Variants in C20orf203 observed in about 807,000 individuals in gnomAD.
C20orf203 encodes chromosome 20 open reading frame 203, also known as uncharacterized protein C20orf203.
Under a neutral mutation model 15.9 loss-of-function variants are expected in C20orf203, and 16 were observed. The ratio of observed to expected loss-of-function variants is 1.01; its 90% CI spans 0.68 to 1.53. C20orf203 has a LOEUF of 1.53. Among genes scored for constraint, C20orf203 ranks in the 40% most tolerant of loss-of-function variants. C20orf203 has a pLI of 0.00. For missense variants in C20orf203, 263 were observed against 247.5 expected (o/e 1.06, Z -0.42); for synonymous variants, 98 against 97.2 (o/e 1.01, Z -0.05).
At chr20:32,638,690 C>G (rs1236749743) in intron 5 of C20orf203, among the ~76,000 whole-genome samples, 1 of 152,230 alleles carries the variant, frequency 6.6e-6, no homozygotes, top group African/African-American at 2.4e-5. Flanking sequence ...GAGATGGAGG[C>G]CAACTTCTCA....
In C20orf203 at chr20:32,639,831, G is replaced by A. The variant is rs1323373297; in HGVS notation, c.*1299+735C>T. On this transcript the variant is annotated intron_variant, in intron 5 of 5. Coordinates refer to ENST00000608990, the MANE Select transcript of C20orf203 (RefSeq NM_182584.4). ...AATCATGATATGTTTGAAGCATACA[G>A]AACACACAGAAATGAGCTGTGCCCG... is the stretch of plus-strand genomic sequence containing the variant. Among the ~76,000 whole-genome samples, 3 of 152,066 alleles carry A rather than the reference G, an allele frequency of 2.0e-5. No homozygotes were observed. The East Asian group carries it at 5.8e-4, about 29-fold the overall frequency.
At chr20:32,657,917 G>A (rs11700367) in intron 1 of C20orf203, 43,595 of 150,802 alleles carry the variant, frequency 0.29, 6,801 homozygotes, top group Middle Eastern at 0.38. Flanking sequence ...CTGAGATTGC[G>A]CCACTGCACT....
chr20:32,654,096 G>T (rs967163176), intron 1 of C20orf203, among the ~76,000 whole-genome samples: 2 of 146,128 alleles, frequency 1.4e-5, no homozygotes, highest in Non-Finnish European at 3.0e-5. Context: ...AAAAAAAAGA[G>T]AAAATCCTAA....
chr20:32,643,674 C>T (rs541058890), intron 4 of C20orf203, among the ~76,000 whole-genome samples: 3 of 133,362 alleles, frequency 2.2e-5, no homozygotes, highest in East Asian at 2.2e-4. Flanking sequence ...CACACACACA[C>T]GAAAGTTTCT....
At chr20:32,664,612 C>A (rs926018941) in intron 1 of C20orf203, among the ~76,000 whole-genome samples, 1 of 152,228 alleles carries the variant, frequency 6.6e-6, no homozygotes, top group Non-Finnish European at 1.5e-5. Flanking sequence ...CCTCTAGATG[C>A]AGCCACAGGC....
chr20:32,644,397 G>A (rs1982366505), intron 4 of C20orf203, among the ~76,000 whole-genome samples: 3 of 152,162 alleles, frequency 2.0e-5, no homozygotes, highest in Admixed American at 6.5e-5. Context: ...GCAGTGAGCT[G>A]AGATCGTACC....
intron 1 of C20orf203, among the ~76,000 whole-genome samples, chr20:32,654,042 A>G (rs1410432062): frequency 3.3e-5 from 5 of 151,878 alleles, no homozygotes; most frequent in Non-Finnish European, 5.9e-5. Flanking sequence ...GCAGTGAGCC[A>G]AGATCACGCC....
chr20:32,637,997 G>A (rs939535441), intron 5 of C20orf203, among the ~76,000 whole-genome samples: 53 of 96,932 alleles, frequency 5.5e-4, no homozygotes, highest in Admixed American at 5.4e-3. Context: ...TTGTGTACTT[G>A]TTGTTTGCAT....
intron 4 of C20orf203, among the ~76,000 whole-genome samples, chr20:32,648,126 G>A (rs1271845702): frequency 1.3e-5 from 2 of 152,170 alleles, no homozygotes; most frequent in East Asian, 3.9e-4. Context: ...TATCACACCC[G>A]GGTCTAGCTG....
chr20:32,656,401 G>A (rs1055010970), intron 1 of C20orf203, among the ~76,000 whole-genome samples: 28 of 152,314 alleles, frequency 1.8e-4, no homozygotes, highest in Admixed American at 1.2e-3. Context: ...AACAAGTGTT[G>A]ATGAGAATAT....
chr20:32,650,353 AACAGGGG>A lies in C20orf203; in HGVS notation c.*72_*78del, dbSNP rs1377089713. On this transcript the variant is annotated 3_prime_UTR_variant, in exon 4 of 6. Coordinates refer to ENST00000608990, the MANE Select transcript of C20orf203 (RefSeq NM_182584.4). The stretch of plus-strand genomic sequence containing the variant: ...GAGCAGAATGATTGTGGGGGGTGGT[AACAGGGG>A]ACACCCTGAGGTGGTGGTGGCCTTG... 6 of 1,030,260 alleles carry A rather than the reference AACAGGGG, an allele frequency of 5.8e-6. No homozygotes were observed. The highest frequency in any genetic ancestry group is 1.6e-5 in the African/African-American group (1 of 62,588). The allele number at this position is 1,030,260 out of a possible 1,614,324, so 63.8% of individuals were successfully genotyped here.
chr20:32,672,957 C>T (rs1001296673), intron 1 of C20orf203, among the ~76,000 whole-genome samples: 5 of 152,126 alleles, frequency 3.3e-5, no homozygotes, highest in Non-Finnish European at 7.3e-5. Flanking sequence ...GCACTAGACT[C>T]GGGCTTTGAG....
At position 32,650,866 on chromosome 20, in the gene C20orf203, C is replaced by A; in HGVS notation, c.151G>T (p.Ala51Ser). The change falls in exon 4 of 6, where the codon GCT becomes TCT. Residue 51 changes from alanine (A) to serine (S), a missense_variant. Physicochemically the swap from Ala to Ser is moderately conservative, Grantham distance 99 (BLOSUM62 1). Coordinates refer to ENST00000608990, the MANE Select transcript of C20orf203 (RefSeq NM_182584.4). ...GMLSRATSVL[A>S]GLTAHLWDLG... ...TCCCAGAGGTGGGCAGTGAGTCCAGCCAAGACTGATGTGGCCTGTTGGGAA... is the reference window on the plus strand; with the variant it reads ...TCCCAGAGGTGGGCAGTGAGTCCAGACAAGACTGATGTGGCCTGTTGGGAA... 1 of 1,456,430 alleles carries A rather than the reference C, an allele frequency of 6.9e-7. No homozygotes were observed. Among genetic ancestry groups the A allele is most frequent in the South Asian group, 1.4e-5 (1 of 69,674 alleles). 90.2% of individuals were successfully genotyped at this position (1,456,430 alleles called of 1,614,324 possible). A position where few individuals can be genotyped will look rare whatever the true frequency, so the allele number is the denominator to read the frequency against.
chr20:32,644,082 C>T (rs1317827135), intron 4 of C20orf203, among the ~76,000 whole-genome samples: 2 of 152,182 alleles, frequency 1.3e-5, no homozygotes, highest in Non-Finnish European at 2.9e-5. Context: ...CTGCCTCTGG[C>T]TACCCCAAAC....
intron 4 of C20orf203, among the ~76,000 whole-genome samples, chr20:32,644,578 C>A (rs956703398): frequency 4.6e-5 from 7 of 152,088 alleles, no homozygotes; most frequent in Admixed American, 2.6e-4. Flanking sequence ...CCTGGGGGCA[C>A]CTGCAGGGGA....
intron 4 of C20orf203, among the ~76,000 whole-genome samples, chr20:32,648,425 T>C (rs947486618): frequency 7.4e-6 from 1 of 134,862 alleles, no homozygotes; most frequent in African/African-American, 2.8e-5. Flanking sequence ...TGCCTGAAAC[T>C]GTCTTTTTTT....
chr20:32,657,080 G>A (rs1451712168), intron 1 of C20orf203: 1 of 154,184 alleles, frequency 6.5e-6, no homozygotes, highest in Non-Finnish European at 1.4e-5. Flanking sequence ...CAGACACAGT[G>A]GTTCACACCT....
At chr20:32,671,692 A>T (rs1468521042) in intron 1 of C20orf203, among the ~76,000 whole-genome samples, 1 of 151,952 alleles carries the variant, frequency 6.6e-6, no homozygotes, top group Admixed American at 6.6e-5. Context: ...ATACAAAATT[A>T]GCCGGGCGTG....
chr20:32,661,710 T>C (rs1982895187), intron 1 of C20orf203, among the ~76,000 whole-genome samples: 1 of 152,048 alleles, frequency 6.6e-6, no homozygotes, highest in Non-Finnish European at 1.5e-5. Flanking sequence ...AAAGGGGTCA[T>C]CTGGACTACT....
Sources: gnomAD v4.1 joint callset for allele counts (sites outside exome capture counted in the v4.1 genomes callset) on GRCh38, gnomAD v4.1.1 for gene constraint, MANE v1.5 for transcripts, NCBI Gene and HGNC (gene_info 2026-07-23, HGNC 2026-07-21) for gene names.